CHRM3: variants seen among roughly 807,000 people sequenced by gnomAD.
CHRM3 encodes muscarinic acetylcholine receptor M3.
A neutral mutation model predicts 41.8 loss-of-function variants in CHRM3; 11 were observed. The observed-to-expected ratio is 0.26, with a 90% CI of 0.17 to 0.44. CHRM3 has a LOEUF of 0.44. Among genes scored for constraint, CHRM3 ranks in the 20% least tolerant of loss-of-function variants. The pLI is 1.00. For missense variants in CHRM3, 571 were observed against 745.4 expected (o/e 0.77, Z 2.72); for synonymous variants, 297 against 301.4 (o/e 0.99, Z 0.15).
chr1:239,782,448 A>G (rs1027496104), intron 5 of CHRM3, among the ~76,000 whole-genome samples: 16 of 152,058 alleles, frequency 1.1e-4, no homozygotes, highest in Non-Finnish European at 2.4e-4. Context: ...TGTTATCTGC[A>G]GTGATGTCTC....
intron 1 of CHRM3, among the ~76,000 whole-genome samples, chr1:239,486,080 C>T (rs1199244130): frequency 1.3e-5 from 2 of 152,202 alleles, no homozygotes; most frequent in Non-Finnish European, 1.5e-5. Context: ...AGGCTAGACA[C>T]CTTACAAAGT....
At chr1:239,691,852 C>T (rs1659750401) in intron 5 of CHRM3, among the ~76,000 whole-genome samples, 1 of 152,140 alleles carries the variant, frequency 6.6e-6, no homozygotes, top group African/African-American at 2.4e-5. Context: ...AAGGACACAC[C>T]ATTTGAGAAT....
At chr1:239,417,439 A>G (rs540201060) in intron 1 of CHRM3, among the ~76,000 whole-genome samples, 1 of 152,174 alleles carries the variant, frequency 6.6e-6, no homozygotes, top group African/African-American at 2.4e-5. Flanking sequence ...GTAGATTGTC[A>G]TAGAAGCTGA....
At chr1:239,599,795 C>T (rs1249949520) in intron 3 of CHRM3, among the ~76,000 whole-genome samples, 1 of 152,132 alleles carries the variant, frequency 6.6e-6, no homozygotes, top group East Asian at 1.9e-4. Flanking sequence ...TTGAATATCT[C>T]ATGTAATTTA....
chr1:239,388,489 G>T (rs757714010), intron 1 of CHRM3, among the ~76,000 whole-genome samples: 3 of 152,120 alleles, frequency 2.0e-5, no homozygotes, highest in Admixed American at 6.5e-5. Context: ...ATTTCATATT[G>T]TGAGATCGTT....
At chr1:239,618,615 C>CA (rs1558383026) in intron 3 of CHRM3, among the ~76,000 whole-genome samples, 13 of 151,588 alleles carry the variant, frequency 8.6e-5, no homozygotes, top group Non-Finnish European at 1.3e-4. Flanking sequence ...GAGGCCAAGG[C>CA]GGTCGGATCA....
chr1:239,887,954 A>G (rs1054274036), intron 6 of CHRM3, among the ~76,000 whole-genome samples: 1 of 152,216 alleles, frequency 6.6e-6, no homozygotes, highest in East Asian at 1.9e-4. Flanking sequence ...GATTTGTAAT[A>G]TATTGAAATA....
chr1:239,414,990 A>G (rs1004006314), intron 1 of CHRM3, among the ~76,000 whole-genome samples: 2 of 152,250 alleles, frequency 1.3e-5, no homozygotes, highest in African/African-American at 4.8e-5. Context: ...TTAATAGCTG[A>G]ATATAATGAA....
chr1:239,644,485 C>T (rs1407758183), intron 4 of CHRM3, among the ~76,000 whole-genome samples: 3 of 152,158 alleles, frequency 2.0e-5, no homozygotes, highest in Admixed American at 2.0e-4. Flanking sequence ...ATTTGAGTTC[C>T]AGGTGCACAA....
intron 5 of CHRM3, among the ~76,000 whole-genome samples, chr1:239,730,159 T>G (rs535549397): frequency 6.6e-6 from 1 of 152,116 alleles, no homozygotes; most frequent in South Asian, 2.1e-4. Context: ...AAAAACTGTA[T>G]AGTTGGTTTT....
chr1:239,621,912 A>G (rs1668411805), intron 3 of CHRM3, among the ~76,000 whole-genome samples: 1 of 152,158 alleles, frequency 6.6e-6, no homozygotes, highest in Non-Finnish European at 1.5e-5. Context: ...TCAAAGCTAG[A>G]GAGAAGTCAA....
chr1:239,718,237 C>A lies in CHRM3; in HGVS notation c.-147+39949C>A, dbSNP rs139690864. Among the ~76,000 whole-genome samples the A allele has an allele frequency of 2.0e-5, 3 of 152,148 alleles. 1 individual carries two copies. Among genetic ancestry groups the A allele is most frequent in the African/African-American group, 7.2e-5 (3 of 41,534 alleles). On this transcript the variant is annotated intron_variant, in intron 5 of 6. Transcript: ENST00000676153. The stretch of plus-strand genomic sequence containing the variant: ...GAAGGTAAATGAAGTGTATATTTTC[C>A]AATCACAACTGGAATTTTAAGTGAG...
At chr1:239,469,095 T>C (rs1387245650) in intron 1 of CHRM3, among the ~76,000 whole-genome samples, 1 of 152,228 alleles carries the variant, frequency 6.6e-6, no homozygotes, top group Non-Finnish European at 1.5e-5. Flanking sequence ...AGTTCTAGTC[T>C]ATAATTCATG....
At chr1:239,723,861 G>T (rs1256517889) in intron 5 of CHRM3, among the ~76,000 whole-genome samples, 2 of 151,806 alleles carry the variant, frequency 1.3e-5, no homozygotes, top group Admixed American at 1.3e-4. Flanking sequence ...GCCAGTAGAA[G>T]TTTGCATCCT....
chr1:239,868,659 C>G (rs1190080407), intron 6 of CHRM3, among the ~76,000 whole-genome samples: 2 of 152,132 alleles, frequency 1.3e-5, no homozygotes, highest in Non-Finnish European at 2.9e-5. Flanking sequence ...CCCGTCCTGC[C>G]CAGCTGAATA....
intron 5 of CHRM3, chr1:239,727,632 G>T (rs1663563474): frequency 6.6e-6 from 1 of 151,168 alleles, no homozygotes; most frequent in Non-Finnish European, 1.5e-5. Context: ...AGTCAGAGAG[G>T]GTAAAAAAAA....
chr1:239,716,060 T>C (rs187269482), intron 5 of CHRM3, among the ~76,000 whole-genome samples: 1 of 152,142 alleles, frequency 6.6e-6, no homozygotes, highest in African/African-American at 2.4e-5. Flanking sequence ...TGATCTTGGG[T>C]TGAAATTCTG....
chr1:239,462,555 C>T (rs1334864825), intron 1 of CHRM3, among the ~76,000 whole-genome samples: 1 of 152,054 alleles, frequency 6.6e-6, no homozygotes. Flanking sequence ...CTGCAGGGTA[C>T]GTGTAAAAAT....
At chr1:239,515,157 T>G (rs764011131) in intron 2 of CHRM3, among the ~76,000 whole-genome samples, 10 of 152,108 alleles carry the variant, frequency 6.6e-5, no homozygotes, top group Non-Finnish European at 1.2e-4. Context: ...ACATGTGGCC[T>G]GTTTGGTTAG....
Sources: allele counts gnomAD v4.1 joint callset (sites outside exome capture counted in the v4.1 genomes callset), GRCh38; gene constraint gnomAD v4.1.1; transcripts MANE v1.5; gene names NCBI Gene and HGNC (gene_info 2026-07-23, HGNC 2026-07-21).